The following CARHSP1 variants were observed in gnomAD, a reference collection of about 807,000 sequenced individuals.
CARHSP1 encodes the protein calcium regulated heat stable protein 1.
A neutral mutation model predicts 12.5 loss-of-function variants in CARHSP1; 14 were observed. The ratio of observed to expected loss-of-function variants is 1.12; its 90% CI spans 0.74 to 1.75. The LOEUF (loss-of-function observed/expected upper bound fraction) is 1.75, where lower values mean the gene tolerates loss of function less well. Ranked by LOEUF, CARHSP1 falls within the 40% of genes most tolerant of loss-of-function variation. The pLI, the probability that CARHSP1 is intolerant of heterozygous loss-of-function variation, is 0.00. For missense variants in CARHSP1, 343 were observed against 201.6 expected, an observed-to-expected ratio of 1.70 and a Z score of -4.25; for synonymous variants, 161 against 82.0, an observed-to-expected ratio of 1.96 and a Z score of -5.20.
intron 1 of CARHSP1, among the ~76,000 whole-genome samples, chr16:8,863,294 G>GTATTTTTTC (rs1334113030): frequency 6.6e-6 from 1 of 151,806 alleles, no homozygotes. Context: ...CTCATTTTTT[G>GTATTTTTTC]TAGAGACAGG....
intron 1 of CARHSP1, among the ~76,000 whole-genome samples, 189 bp from the exon 2 acceptor site, chr16:8,859,524 G>A (rs150267967): frequency 4.5e-3 from 679 of 151,852 alleles, no homozygotes; most frequent in Non-Finnish European, 6.1e-3. Flanking sequence ...TGAAGCAACC[G>A]TGGGGCCCCC....
chr16:8,858,202 C>G lies in CARHSP1; in HGVS notation c.281+148G>C, dbSNP rs1471889284. On this transcript the variant is annotated intron_variant, in intron 3 of 3. Transcript: ENST00000311052. Reference sequence around the variant, plus strand: ...ACCCAACACACACACAGGAGCACAGCTGGAGCACCAGCCACAGGCAGAGTC... The same window carrying G: ...ACCCAACACACACACAGGAGCACAGGTGGAGCACCAGCCACAGGCAGAGTC... 4 of 939,586 alleles carry G rather than the reference C, an allele frequency of 4.3e-6. No homozygotes were observed. In the Admixed American group the frequency reaches 7.9e-5, roughly 19 times the overall value. The allele number at this position is 939,586 out of a possible 1,614,324, so 58.2% of individuals were successfully genotyped here.
chr16:8,860,514 G>T, intron 1 of CARHSP1: 1 of 985,442 alleles, frequency 1.0e-6, no homozygotes, highest in Non-Finnish European at 1.2e-6. Context: ...AAGAGAAACA[G>T]TCCAGCAGTC....
At chr16:8,868,561 G>A (rs1666523621) in intron 1 of CARHSP1, 1 of 147,382 alleles carries the variant, frequency 6.8e-6, no homozygotes, top group Non-Finnish European at 1.5e-5. Context: ...GGCCAGGCCC[G>A]GCGGGGGGTG....
At position 8,861,418 on chromosome 16, in the gene CARHSP1, C is replaced by G. The variant is rs569745738; in HGVS notation, c.-7-2083G>C. Among the ~76,000 whole-genome samples, 8 of 151,560 alleles carry G rather than the reference C, an allele frequency of 5.3e-5. No homozygotes were observed. The South Asian group carries it at 1.3e-3, about 24-fold the overall frequency. On this transcript the variant is annotated intron_variant, in intron 1 of 3. Transcript: ENST00000311052. Reference sequence around the variant, plus strand: ...CTCACAACCTTCAACCTCAGTTTGCCCCCCCAGTCCCCTCATTTATAGGAG... The same window carrying G: ...CTCACAACCTTCAACCTCAGTTTGCGCCCCCAGTCCCCTCATTTATAGGAG...
chr16:8,864,365 G>A (rs772718902), intron 1 of CARHSP1, among the ~76,000 whole-genome samples: 1 of 152,156 alleles, frequency 6.6e-6, no homozygotes, highest in Non-Finnish European at 1.5e-5. Flanking sequence ...GATGAACTCT[G>A]CCACTTCCTA....
chr16:8,859,048 C>T (rs2061252318), intron 2 of CARHSP1, 123 bp downstream of exon 2: 2 of 902,522 alleles, frequency 2.2e-6, no homozygotes, highest in Non-Finnish European at 3.2e-6. Context: ...CACGGCCCAG[C>T]CCCAGGTCTG....
At chr16:8,859,058 G>A in intron 2 of CARHSP1, 113 bp downstream of exon 2, 7 of 1,005,670 alleles carry the variant, frequency 7.0e-6, no homozygotes, top group East Asian at 2.7e-5. Flanking sequence ...CCCCAGGTCT[G>A]CCTATTTGGC....
intron 1 of CARHSP1, among the ~76,000 whole-genome samples, chr16:8,865,963 A>AT (rs1043576624): frequency 5.4e-4 from 82 of 151,348 alleles, no homozygotes; most frequent in Middle Eastern, 3.4e-3. Context: ...TTTCTTTTTT[A>AT]TTTTTTTTGA....
chr16:8,860,524 C>CA (rs1048763178), intron 1 of CARHSP1: 1 of 985,400 alleles, frequency 1.0e-6, no homozygotes, highest in Non-Finnish European at 1.2e-6. Flanking sequence ...GTCCAGCAGT[C>CA]AGAGGCCCTT....
At chr16:8,865,619 C>G (rs567403940) in intron 1 of CARHSP1, among the ~76,000 whole-genome samples, 79 of 152,312 alleles carry the variant, frequency 5.2e-4, no homozygotes, top group Non-Finnish European at 9.1e-4. Flanking sequence ...GCTTCCAGCC[C>G]GGAGCCAGCC....
chr16:8,865,342 T>C (rs2061437591), intron 1 of CARHSP1, among the ~76,000 whole-genome samples: 2 of 152,152 alleles, frequency 1.3e-5, no homozygotes, highest in Admixed American at 6.5e-5. Flanking sequence ...ACTCCTGACC[T>C]CTCATGATTT....
chr16:8,858,208 C>G (rs2061212794), intron 3 of CARHSP1, 142 bp downstream of exon 3: 1 of 981,220 alleles, frequency 1.0e-6, no homozygotes, highest in African/African-American at 1.6e-5. Flanking sequence ...ACAGCTGGAG[C>G]ACCAGCCACA....
rs1375891603 is a variant in CARHSP1, at chr16:8,859,345, G to A, written c.-7-10C>T. The A allele has an allele frequency of 1.3e-6, 2 of 1,596,914 alleles. No homozygotes were observed. Among genetic ancestry groups the A allele is most frequent in the Non-Finnish European group, 1.7e-6 (2 of 1,177,888 alleles). On this transcript the variant is annotated splice_polypyrimidine_tract_variant and intron_variant, in intron 1 of 3. Transcript: ENST00000311052. ...AGATGACATGGCTGACCTGGAAAGA[G>A]AAGAGGCTGTCAGGGGCTCGTGCCT...
rs1310869020 is a variant in CARHSP1, at chr16:8,854,210, G to A, written c.*954C>T. ...AGCATTTCTTAACACTAGTTTTAAA[G>A]AAAACCCCCTCTCCAAAGGTATGTT... On this transcript the variant is annotated 3_prime_UTR_variant, in exon 4 of 4. Coordinates refer to ENST00000311052, the MANE Select transcript of CARHSP1 (RefSeq NM_014316.4). 1 of 152,046 alleles carries A rather than the reference G, an allele frequency of 6.6e-6. No individual in the cohort carries two copies. Among genetic ancestry groups the A allele is most frequent in the African/African-American group, 2.4e-5 (1 of 41,396 alleles). 9.4% of individuals were successfully genotyped at this position (152,046 alleles called of 1,614,324 possible). A position where few individuals can be genotyped will look rare whatever the true frequency, so the allele number is the denominator to read the frequency against.
intron 1 of CARHSP1, chr16:8,860,143 G>C: frequency 1.0e-6 from 1 of 985,438 alleles, no homozygotes; most frequent in South Asian, 4.7e-5. Context: ...TGTGGAACAC[G>C]TCGCAGAGAG....
intron 3 of CARHSP1, among the ~76,000 whole-genome samples, chr16:8,857,072 A>G (rs1057290215): frequency 6.6e-6 from 1 of 152,110 alleles, no homozygotes; most frequent in Non-Finnish European, 1.5e-5. Flanking sequence ...TCCCCAGGCC[A>G]AACAGGGCTC....
chr16:8,856,851 G>C (rs554505633), intron 3 of CARHSP1, among the ~76,000 whole-genome samples: 8 of 152,260 alleles, frequency 5.3e-5, no homozygotes, highest in African/African-American at 1.9e-4. Flanking sequence ...GTGAAGCATG[G>C]GGGGCTGGGT....
At chr16:8,860,082 G>C in intron 1 of CARHSP1, 1 of 954,950 alleles carries the variant, frequency 1.0e-6, no homozygotes, top group Non-Finnish European at 1.2e-6. Context: ...AGACACCACA[G>C]GGAAGCAGGG....
Sources: allele counts gnomAD v4.1 joint callset (sites outside exome capture counted in the v4.1 genomes callset), GRCh38; gene constraint gnomAD v4.1.1; transcripts MANE v1.5; gene names NCBI Gene and HGNC (gene_info 2026-07-23, HGNC 2026-07-21).